FLCN: variants seen among roughly 807,000 people sequenced by gnomAD.
FLCN encodes the protein BHD skin lesion fibrofolliculoma protein.
FLCN carries 22 observed loss-of-function variants against 62.5 expected under a neutral mutation model. The ratio of observed to expected loss-of-function variants is 0.35; its 90% CI spans 0.25 to 0.50. The LOEUF (loss-of-function observed/expected upper bound fraction) is 0.50. Among genes scored for constraint, FLCN ranks in the 20% least tolerant of loss-of-function variants. The pLI is 0.97. For missense variants in FLCN, 657 were observed against 778.0 expected (o/e 0.84, Z 1.85); for synonymous variants, 319 against 310.0 (o/e 1.03, Z -0.30).
At chr17:17,225,943 TA>T (rs1567822236) in intron 5 of FLCN, 4 of 658,656 alleles carry the variant, frequency 6.1e-6, no homozygotes, top group Non-Finnish European at 8.4e-6. Context: ...GTTCGGTGCT[TA>T]AAGTGCAAAA....
intron 5 of FLCN, 129 bp downstream of exon 5, chr17:17,226,047 G>C (rs764877881): frequency 1.5e-6 from 2 of 1,319,972 alleles, no homozygotes; most frequent in Non-Finnish European, 1.1e-6. Flanking sequence ...GTGCTGTGCT[G>C]ATCTGCGGGT....
intron 2 of FLCN, among the ~76,000 whole-genome samples, chr17:17,232,574 A>G (rs1005946618): frequency 6.6e-6 from 1 of 152,176 alleles, no homozygotes; most frequent in African/African-American, 2.4e-5. Flanking sequence ...TGGCTTAAAA[A>G]TCTACTGCTC....
At chr17:17,231,280 G>T (rs905270513) in intron 3 of FLCN, among the ~76,000 whole-genome samples, 1 of 152,188 alleles carries the variant, frequency 6.6e-6, no homozygotes, top group African/African-American at 2.4e-5. Context: ...TGTCCTGAGT[G>T]TTTGCTAGGC....
chr17:17,235,211 C>T (rs532615282), intron 1 of FLCN, among the ~76,000 whole-genome samples: 43 of 151,514 alleles, frequency 2.8e-4, no homozygotes, highest in African/African-American at 9.9e-4. Context: ...ACCTGGGAGA[C>T]GGAGGTTGCA....
rs2046786289 is a variant in FLCN, at chr17:17,212,278, C to G, written c.*1377G>C. On this transcript the variant is annotated 3_prime_UTR_variant, in exon 14 of 14. Coordinates refer to ENST00000285071, the MANE Select transcript of FLCN (RefSeq NM_144997.7). ...TTATACAGATACCTAGTTATATAAA[C>G]TTGGTCTTCATGTTAAATATAAACA... 5.8e-6 allele frequency: 1 copy of G among 172,634 alleles called. No individual in the cohort carries two copies. The highest frequency in any genetic ancestry group is 2.0e-4 in the South Asian group (1 of 4,984). 10.7% of individuals were successfully genotyped at this position (172,634 alleles called of 1,614,324 possible). A position where few individuals can be genotyped will look rare whatever the true frequency, so the allele number is the denominator to read the frequency against.
chr17:17,221,253 G>A lies in FLCN; in HGVS notation c.871+284C>T, dbSNP rs374857135. On this transcript the variant is annotated intron_variant, in intron 8 of 13. Transcript: ENST00000285071. ...GGCTATCACAAAATCGGGACGAGAA[G>A]CCTTTAATCAGCCAGTTCTCTCTAC... is the stretch of plus-strand genomic sequence containing the variant. 247 of 1,541,116 alleles carry A rather than the reference G, an allele frequency of 1.6e-4. 1 individual carries two copies. In the African/African-American group the frequency reaches 3.0e-3, roughly 18 times the overall value.
chr17:17,228,504 A>G, intron 3 of FLCN: 1 of 316,332 alleles, frequency 3.2e-6, no homozygotes, highest in Non-Finnish European at 6.1e-6. Flanking sequence ...AAACCCTGTG[A>G]GAACAAATAG....
Position 17,213,279 on chromosome 17 carries a change from C to G in FLCN, c.*376G>C. The stretch of plus-strand genomic sequence containing the variant: ...AGTAGAAACGCTTGAATGTTAACCT[C>G]GGGAGCAGACATGTTATTGCGACTG... On this transcript the variant is annotated 3_prime_UTR_variant, in exon 14 of 14. Transcript: ENST00000285071. The G allele has an allele frequency of 2.3e-6, 1 of 429,888 alleles. No homozygotes were observed. The highest frequency in any genetic ancestry group is 4.3e-6 in the Non-Finnish European group (1 of 230,688). 26.6% of individuals were successfully genotyped at this position (429,888 alleles called of 1,614,324 possible).
Position 17,226,263 on chromosome 17 carries a change from G to A in FLCN, c.309C>T (p.Ser103=), listed in dbSNP as rs2145012580. ...GGTGCTGGTGGCTGACGTATTTAAT[G>A]GAGGTCTCTTTATCATGGCTGATAT... is the stretch of plus-strand genomic sequence containing the variant. The part of the protein sequence containing the change: ...PGYISHDKET[S]IKYVSHQHPS... Residue 103 remains serine (S), a synonymous_variant, in exon 5 of 14, where the codon TCC becomes TCT. Transcript: ENST00000285071. 1 of 1,614,176 alleles carries A rather than the reference G, an allele frequency of 6.2e-7. No individual in the cohort carries two copies. Among genetic ancestry groups the A allele is most frequent in the African/African-American group, 1.3e-5 (1 of 75,048 alleles).
intron 3 of FLCN, chr17:17,228,626 C>T (rs2047331858): frequency 5.6e-6 from 1 of 177,102 alleles, no homozygotes; most frequent in South Asian, 1.3e-4. Context: ...AGCTTACCTC[C>T]TGCAGGGGGT....
intron 1 of FLCN, 44 bp from the exon 2 acceptor site, chr17:17,232,945 A>T (rs1038561109): frequency 2.6e-5 from 4 of 152,222 alleles, no homozygotes; most frequent in African/African-American, 7.2e-5. Context: ...CTAAGATTAG[A>T]GGCCTTCGTA....
Position 17,226,026 on chromosome 17 carries a change from T to A in FLCN, c.396+150A>T, listed in dbSNP as rs1185922662. 3 of 1,108,318 alleles carry A rather than the reference T, an allele frequency of 2.7e-6. No individual in the cohort carries two copies. The African/African-American group carries it at 4.7e-5, about 17-fold the overall frequency. The allele number at this position is 1,108,318 out of a possible 1,614,324, so 68.7% of individuals were successfully genotyped here. Reference sequence around the variant, plus strand: ...CCCGCAATTCTGGACAAGGGAGGCGTCCTGTACCCTGTGCTGTGCTGATCT... The same window carrying A: ...CCCGCAATTCTGGACAAGGGAGGCGACCTGTACCCTGTGCTGTGCTGATCT... On this transcript the variant is annotated intron_variant, in intron 5 of 13. Coordinates refer to ENST00000285071, the MANE Select transcript of FLCN (RefSeq NM_144997.7).
intron 7 of FLCN, 34 bp from the exon 8 acceptor site, chr17:17,221,662 G>C: frequency 2.5e-6 from 4 of 1,596,522 alleles, no homozygotes; most frequent in Non-Finnish European, 3.4e-6. Context: ...GAGCGTTCTC[G>C]CCAAAGGAAA....
chr17:17,213,494 C>A lies in FLCN; in HGVS notation c.*161G>T. 4 of 910,422 alleles carry A rather than the reference C, an allele frequency of 4.4e-6. No individual in the cohort carries two copies. The highest frequency in any genetic ancestry group is 1.7e-6 in the Non-Finnish European group (1 of 577,466). 56.4% of individuals were successfully genotyped at this position (910,422 alleles called of 1,614,324 possible). A position where few individuals can be genotyped will look rare whatever the true frequency, so the allele number is the denominator to read the frequency against. On this transcript the variant is annotated 3_prime_UTR_variant, in exon 14 of 14. Transcript: ENST00000285071. ...AGGGAGAGTCTGGGAAGCACACAGG[C>A]CCCAAACCTGACAGGGCCGAGCCCA...
At position 17,216,936 on chromosome 17, in the gene FLCN, G is replaced by A. The variant is rs1046967953; in HGVS notation, c.1176+133C>T. On this transcript the variant is annotated intron_variant, in intron 10 of 13. Coordinates refer to ENST00000285071, the MANE Select transcript of FLCN (RefSeq NM_144997.7). This position sits in a 1 kb window ranked among gnomAD's most constrained non-coding sequence, Gnocchi z 4.0. Reference sequence around the variant, plus strand: ...AGACCCGGGTCTCCGTGCCCACTGCGCCCCCAGTGGAGACCGTGTGGTGCA... The same window carrying A: ...AGACCCGGGTCTCCGTGCCCACTGCACCCCCAGTGGAGACCGTGTGGTGCA... 22 of 733,678 alleles carry A rather than the reference G, an allele frequency of 3.0e-5. No homozygotes were observed. Among genetic ancestry groups the A allele is most frequent in the African/African-American group, 1.4e-4 (8 of 57,866 alleles). 45.4% of individuals were successfully genotyped at this position (733,678 alleles called of 1,614,324 possible).
chr17:17,217,398 C>A, intron 9 of FLCN: 1 of 598,802 alleles, frequency 1.7e-6, no homozygotes, highest in Non-Finnish European at 3.0e-6. Flanking sequence ...GATTCCAAAG[C>A]TCTTGCTCCA....
chr17:17,231,593 G>T (rs985868353), intron 3 of FLCN: 3 of 152,366 alleles, frequency 2.0e-5, no homozygotes, highest in Non-Finnish European at 4.4e-5. Context: ...CCCTGTTACG[G>T]ATCCAAAAGT....
chr17:17,228,276 A>G, intron 3 of FLCN, 115 bp from the exon 4 acceptor site: 1 of 1,322,226 alleles, frequency 7.6e-7, no homozygotes. Flanking sequence ...TGCCCAGGAG[A>G]GGCCACCCGC....
intron 2 of FLCN, among the ~76,000 whole-genome samples, 158 bp from the exon 3 acceptor site, chr17:17,232,040 G>A (rs528912468): frequency 6.6e-6 from 1 of 152,244 alleles, no homozygotes; most frequent in Non-Finnish European, 1.5e-5. Flanking sequence ...GAGGGAGGCA[G>A]ACAGGCAGCG....
Sources: allele counts gnomAD v4.1 joint callset (sites outside exome capture counted in the v4.1 genomes callset), GRCh38; gene constraint gnomAD v4.1.1; non-coding constraint Gnocchi (gnomAD v3.1); transcripts MANE v1.5; gene names NCBI Gene and HGNC (gene_info 2026-07-23, HGNC 2026-07-21).